Variants in LTF observed in about 807,000 individuals in gnomAD.
The protein encoded by LTF is lactotransferrin, also known as epididymis luminal protein 110.
Under a neutral mutation model 87.2 loss-of-function variants are expected in LTF, and 91 were observed. The ratio of observed to expected loss-of-function variants is 1.04; its 90% CI spans 0.88 to 1.24. The LOEUF (loss-of-function observed/expected upper bound fraction) is 1.24, where lower values mean the gene tolerates loss of function less well. Among genes scored for constraint, LTF ranks in the 50% most tolerant of loss-of-function variants. The pLI, the probability that LTF is intolerant of heterozygous loss-of-function variation, is 0.00. For missense variants in LTF, 901 were observed against 904.3 expected (o/e 1.00, Z 0.05); for synonymous variants, 378 against 356.1 (o/e 1.06, Z -0.69).
intron 6 of LTF, 158 bp downstream of exon 6, chr3:46,454,147 A>T: frequency 1.4e-6 from 1 of 718,264 alleles, no homozygotes; most frequent in East Asian, 2.5e-5. Context: ...AAAACTGATC[A>T]TTTAAAATAT....
At chr3:46,469,925 T>C (rs1703262052) in intron 2 of LTF, among the ~76,000 whole-genome samples, 2 of 152,116 alleles carry the variant, frequency 1.3e-5, no homozygotes, top group Admixed American at 6.5e-5. Flanking sequence ...GGAGCTTCTG[T>C]CTGCTTGGAT....
upstream of LTF, among the ~76,000 whole-genome samples, chr3:46,465,758 T>C (rs1703199696): frequency 6.6e-6 from 1 of 152,214 alleles, no homozygotes; most frequent in Non-Finnish European, 1.5e-5. Flanking sequence ...ATACATCTCG[T>C]AAATACATTC....
At chr3:46,451,583 T>C (rs1361214949) in intron 6 of LTF, among the ~76,000 whole-genome samples, 1 of 152,124 alleles carries the variant, frequency 6.6e-6, no homozygotes, top group Non-Finnish European at 1.5e-5. Context: ...TAGTAATAGA[T>C]AGAATCGGTA....
chr3:46,467,752 G>T (rs1703234845), upstream of LTF, among the ~76,000 whole-genome samples: 2 of 150,294 alleles, frequency 1.3e-5, no homozygotes, highest in South Asian at 4.3e-4. Context: ...CTGGGCCCAA[G>T]CGATCCTCCC....
chr3:46,482,648 GAAA>G (rs1559614786), intron 1 of LTF, among the ~76,000 whole-genome samples: 75 of 100,062 alleles, frequency 7.5e-4, no homozygotes, highest in Middle Eastern at 4.9e-3. Flanking sequence ...AAGAAAGAAA[GAAA>G]GAAAGAAAGA....
chr3:46,440,524 C>A (rs1174857354), intron 14 of LTF, among the ~76,000 whole-genome samples: 2 of 152,162 alleles, frequency 1.3e-5, no homozygotes, highest in Non-Finnish European at 2.9e-5. Flanking sequence ...GTGCAGATGC[C>A]GGCTCATTGT....
In LTF at chr3:46,454,360, C is replaced by T; in HGVS notation, c.648G>A (p.Lys216=). The T allele has an allele frequency of 6.2e-7, 1 of 1,614,122 alleles. No individual in the cohort carries two copies. Among genetic ancestry groups the T allele is most frequent in the South Asian group, 1.1e-5 (1 of 91,082 alleles). ...CGTCTCCAGCCCCGTCTCTCAGACA[C>T]CTGTGAAAAGAGAAACCATCAGGGG... is the stretch of plus-strand genomic sequence containing the variant. The part of the protein sequence containing the change: ...EPYFSYSGAF[K]CLRDGAGDVA... Residue 216 remains lysine (K), a splice_region_variant and synonymous_variant, in exon 6 of 17, where the codon AAG becomes AAA. Transcript: ENST00000231751.
intron 1 of LTF, among the ~76,000 whole-genome samples, chr3:46,479,275 C>T (rs909567643): frequency 3.3e-5 from 5 of 152,232 alleles, no homozygotes; most frequent in Non-Finnish European, 5.9e-5. Context: ...CTGGCATCTT[C>T]CAGCAACCTC....
chr3:46,451,739 C>T lies in LTF; in HGVS notation c.704-1066G>A, dbSNP rs577621316. Among the ~76,000 whole-genome samples, 16 of 152,168 alleles carry T rather than the reference C, an allele frequency of 1.1e-4. No individual in the cohort carries two copies. The South Asian group carries it at 3.1e-3, about 30-fold the overall frequency. ...CCTCCCAAGTAGCTGGGACCACAAG[C>T]GCACGCCACCAGGCCCAGCTAATTT... On this transcript the variant is annotated intron_variant, in intron 6 of 16. Coordinates refer to ENST00000231751, the MANE Select transcript of LTF (RefSeq NM_002343.6).
Position 46,456,386 on chromosome 3 carries a change from C to T in LTF, c.220G>A (p.Asp74Asn), listed in dbSNP as rs779412207. The change falls in exon 3 of 17, where the codon GAT (aspartate) becomes AAT (asparagine). Residue 74 changes from aspartate (D) to asparagine (N), a missense_variant. By Grantham distance (23) the Asp-to-Asn change is conservative (BLOSUM62 1). Transcript: ENST00000231751. ...AAACCACCATCAAGGGTCACAGCAT[C>T]GGCCCTGTTTTCCTGAAAGTAAAGA... ...CIQAIAENRADAVTLDGGFIY... is the reference protein window; with the variant it reads ...CIQAIAENRANAVTLDGGFIY... 6.2e-6 allele frequency: 10 copies of T among 1,614,072 alleles called. No individual in the cohort carries two copies. The highest frequency in any genetic ancestry group is 5.0e-5 in the Admixed American group (3 of 60,030).
intron 1 of LTF, among the ~76,000 whole-genome samples, chr3:46,462,459 ATAAG>A (rs1170728512): frequency 6.6e-6 from 1 of 152,196 alleles, no homozygotes; most frequent in Non-Finnish European, 1.5e-5. Flanking sequence ...CCCATAGCTA[ATAAG>A]TAAGTGTTGG....
At chr3:46,461,805 T>TACCAAAAACTAAAACAAAAA (rs1402824538) in intron 1 of LTF, among the ~76,000 whole-genome samples, 14 of 152,278 alleles carry the variant, frequency 9.2e-5, no homozygotes, top group African/African-American at 2.9e-4. Context: ...GTAAAGCTGT[T>TACCAAAAACTAAAACAAAAA]ACCAAAAACT....
At chr3:46,456,192 C>A in intron 3 of LTF, 98 bp downstream of exon 3, 2 of 1,115,742 alleles carry the variant, frequency 1.8e-6, no homozygotes, top group Non-Finnish European at 1.3e-6. Context: ...GTGATGTGAC[C>A]CAGACTCCAC....
chr3:46,471,831 C>G (rs919723183), intron 1 of LTF, among the ~76,000 whole-genome samples: 12 of 152,202 alleles, frequency 7.9e-5, no homozygotes, highest in Non-Finnish European at 1.3e-4. Context: ...TAAGGGTAAG[C>G]AGCAAGGGCA....
chr3:46,448,739 C>T (rs1575312422), intron 9 of LTF, 124 bp downstream of exon 9: 2 of 1,168,460 alleles, frequency 1.7e-6, no homozygotes, highest in East Asian at 2.7e-5. Context: ...CACACCTCTC[C>T]AGGCATCCCT....
intron 16 of LTF, among the ~76,000 whole-genome samples, chr3:46,436,857 C>G (rs1702398516): frequency 6.6e-6 from 1 of 152,312 alleles, no homozygotes; most frequent in East Asian, 1.9e-4. Context: ...GATAATAACC[C>G]TTTATTGCAG....
rs1702756828 is a variant in LTF, at chr3:46,449,854, T to C, written c.1057A>G (p.Ser353Gly). 7.4e-6 allele frequency: 12 copies of C among 1,613,912 alleles called. No individual in the cohort carries two copies. The highest frequency in any genetic ancestry group is 9.3e-6 in the Non-Finnish European group (11 of 1,179,902). ...YFTAIQNLRK[S>G]EEEVAARRAR... Reference sequence around the variant, plus strand: ...TCAGGACCCTCCTGGGCTCACTCACTTTTCCTCAAGTTCTGGATGGCAGTG... The same window carrying C: ...TCAGGACCCTCCTGGGCTCACTCACCTTTCCTCAAGTTCTGGATGGCAGTG... The change falls in exon 8 of 17, where the codon AGT (serine) becomes GGT (glycine). Residue 353 changes from serine (S) to glycine (G), a missense_variant and splice_region_variant. Physicochemically the swap from Ser to Gly is moderately conservative, Grantham distance 56. Transcript: ENST00000231751.
intron 1 of LTF, among the ~76,000 whole-genome samples, chr3:46,482,652 GAAA>G (rs1559614801): frequency 9.9e-4 from 99 of 99,804 alleles, no homozygotes; most frequent in Non-Finnish European, 1.6e-3. Context: ...AAGAAAGAAA[GAAA>G]GAAAGAAGGA....
intron 9 of LTF, among the ~76,000 whole-genome samples, chr3:46,448,129 C>T (rs1419891750): frequency 5.3e-5 from 8 of 152,036 alleles, no homozygotes; most frequent in East Asian, 3.9e-4. Context: ...TTTGGGAGGC[C>T]GAAGCAGGAA....
Sources: allele counts gnomAD v4.1 joint callset (sites outside exome capture counted in the v4.1 genomes callset), GRCh38; gene constraint gnomAD v4.1.1; transcripts MANE v1.5; gene names NCBI Gene and HGNC (gene_info 2026-07-23, HGNC 2026-07-21).